The following TBC1D2 variants were observed in gnomAD, a reference collection of about 807,000 sequenced individuals.
TBC1D2 encodes the protein TBC1 domain family member 2A.
In TBC1D2, 58 loss-of-function variants were observed where a neutral mutation model predicts 91.1. The ratio of observed to expected loss-of-function variants is 0.64; its 90% confidence interval spans 0.52 to 0.79. TBC1D2 has a LOEUF of 0.79. Ranked by LOEUF, TBC1D2 falls within the 30% of genes least tolerant of loss-of-function variation. The pLI is 0.00. For missense variants in TBC1D2, 1,080 were observed against 1,208.3 expected, an observed-to-expected ratio of 0.89 and a Z score of 1.57; for synonymous variants, 482 against 511.5, an observed-to-expected ratio of 0.94 and a Z score of 0.78.
At chr9:98,249,888 T>C (rs1189387162) in intron 2 of TBC1D2, among the ~76,000 whole-genome samples, 1 of 152,154 alleles carries the variant, frequency 6.6e-6, no homozygotes, top group Non-Finnish European at 1.5e-5. Context: ...TAAAGTTTAG[T>C]GTATTGACTT....
chr9:98,237,165 C>T (rs1276148907), intron 3 of TBC1D2, among the ~76,000 whole-genome samples: 2 of 151,738 alleles, frequency 1.3e-5, no homozygotes, highest in Non-Finnish European at 2.9e-5. Flanking sequence ...AGTGAAACTC[C>T]GTCTTTACTA....
intron 6 of TBC1D2, 107 bp downstream of exon 6, chr9:98,220,726 G>T: frequency 1.5e-6 from 2 of 1,378,986 alleles, no homozygotes; most frequent in South Asian, 1.4e-5. Context: ...GGATGAAGGG[G>T]TATCCCCACT....
chr9:98,244,065 G>A lies in TBC1D2; in HGVS notation c.576C>T (p.Gly192=), dbSNP rs776015523. Residue 192 remains glycine (G), a synonymous_variant, in exon 3 of 13, where the codon GGC becomes GGT. Coordinates refer to ENST00000465784, the MANE Select transcript of TBC1D2 (RefSeq NM_001267571.2). ...CPVKTPPGLV[G]VAAALQPFPA... ...GGAAGGGCTGCAAGGCAGCTGCCAC[G>A]CCCACTAGCCCAGGGGGTGTTTTCA... 1.1e-5 allele frequency: 17 copies of A among 1,612,776 alleles called. No homozygotes were observed. The highest frequency in any genetic ancestry group is 1.7e-5 in the Admixed American group (1 of 59,782).
intron 3 of TBC1D2, among the ~76,000 whole-genome samples, chr9:98,242,441 C>CAAAAAAA (rs961264421): frequency 1.3e-5 from 1 of 76,424 alleles, no homozygotes; most frequent in Admixed American, 1.5e-4. Context: ...ACTCCATCTC[C>CAAAAAAA]AAAAAAAAAA....
intron 7 of TBC1D2, among the ~76,000 whole-genome samples, chr9:98,211,743 C>T (rs1828846212): frequency 6.6e-6 from 1 of 152,244 alleles, no homozygotes; most frequent in African/African-American, 2.4e-5. Flanking sequence ...CTGGTGCCCA[C>T]CTCTGTTGCC....
intron 9 of TBC1D2, among the ~76,000 whole-genome samples, chr9:98,206,621 T>A (rs1249542756): frequency 2.0e-5 from 3 of 151,980 alleles, no homozygotes; most frequent in East Asian, 3.9e-4. Context: ...CTCTGACTAC[T>A]GCTATTTGGA....
rs1829899500 is a variant in TBC1D2 at position 98,252,825 on chromosome 9, A to C, written c.370-899T>G. ...GGGGATTCTCAGAGAGCTGCCTGCA[A>C]TCAAGGCCACATGAGAACAACAGCG... On this transcript the variant is annotated intron_variant, in intron 1 of 12. Coordinates refer to ENST00000465784, the MANE Select transcript of TBC1D2 (RefSeq NM_001267571.2). Among the ~76,000 whole-genome samples the C allele has an allele frequency of 1.3e-5, 2 of 152,176 alleles. 1 individual carries two copies. Among genetic ancestry groups the C allele is most frequent in the South Asian group, 4.1e-4 (2 of 4,826 alleles).
chr9:98,199,652 TC>T, intron 12 of TBC1D2, 64 bp from the exon 13 acceptor site: 1 of 1,559,346 alleles, frequency 6.4e-7, no homozygotes, highest in Non-Finnish European at 8.8e-7. Flanking sequence ...TACCCGGCTC[TC>T]CCAGACAGAC....
intron 2 of TBC1D2, 92 bp from the exon 3 acceptor site, chr9:98,244,221 G>C: frequency 2.6e-6 from 4 of 1,536,006 alleles, no homozygotes; most frequent in Non-Finnish European, 3.5e-6. Context: ...CCCTGACTGG[G>C]AACAGGCTGG....
intron 3 of TBC1D2, among the ~76,000 whole-genome samples, chr9:98,239,693 G>A (rs947683805): frequency 6.6e-6 from 1 of 152,102 alleles, no homozygotes; most frequent in African/African-American, 2.4e-5. Flanking sequence ...AATGAGTTGG[G>A]GGATGTGTCC....
At chr9:98,236,030 C>T (rs1393421116) in intron 3 of TBC1D2, among the ~76,000 whole-genome samples, 2 of 150,292 alleles carry the variant, frequency 1.3e-5, no homozygotes, top group African/African-American at 4.9e-5. Flanking sequence ...AGTGAGACTC[C>T]ATCTCAAAAG....
chr9:98,208,905 A>T lies in TBC1D2; in HGVS notation c.1913T>A (p.Leu638Gln), dbSNP rs756815321. The stretch of plus-strand genomic sequence containing the variant: ...CAGGTGCTGGACACGGAGGTGGACC[A>T]GCCACCTCCAGACACGAGGCCGGTG... Reference protein sequence around the residue: ...REHRPRVWRWLVHLRVQHLHT... With the variant: ...REHRPRVWRWQVHLRVQHLHT... The change falls in exon 9 of 13, where the codon CTG becomes CAG. Residue 638 changes from leucine (L) to glutamine (Q), a missense_variant. Transcript: ENST00000465784. 6.2e-7 allele frequency: 1 copy of T among 1,614,128 alleles called. No individual in the cohort carries two copies. The highest frequency in any genetic ancestry group is 1.3e-5 in the African/African-American group (1 of 75,026).
Position 98,210,844 on chromosome 9 carries a change from C to T in TBC1D2, c.1486-1G>A, listed in dbSNP as rs772655213. 6.4e-7 allele frequency: 1 copy of T among 1,550,786 alleles called. No homozygotes were observed. The highest frequency in any genetic ancestry group is 2.0e-5 in the Admixed American group (1 of 50,934). ...AGTTTCTGGCTTGGAGGTAGGCGCA[C>T]TGCAAACAGGGAAAGGCTGGTCAGG... On this transcript the variant is annotated splice_acceptor_variant, in intron 7 of 12. Transcript: ENST00000465784. LOFTEE classifies it high-confidence loss of function.
chr9:98,214,059 C>T (rs55866532), intron 6 of TBC1D2, among the ~76,000 whole-genome samples: 7,016 of 152,298 alleles, frequency 0.046, 210 homozygotes, highest in Non-Finnish European at 0.07. Context: ...CGTTCAGTCA[C>T]GTAACACATT....
At chr9:98,249,139 C>T (rs1019764552) in intron 2 of TBC1D2, among the ~76,000 whole-genome samples, 1 of 152,152 alleles carries the variant, frequency 6.6e-6, no homozygotes, top group Non-Finnish European at 1.5e-5. Flanking sequence ...AAACATCTTT[C>T]TAGGTGGGCT....
At chr9:98,249,610 T>G (rs762259333) in intron 2 of TBC1D2, among the ~76,000 whole-genome samples, 1 of 152,186 alleles carries the variant, frequency 6.6e-6, no homozygotes. Context: ...GAGTGGGGGC[T>G]GGAGCAGAAG....
At chr9:98,206,110 T>C (rs922246964) in intron 9 of TBC1D2, among the ~76,000 whole-genome samples, 2 of 152,148 alleles carry the variant, frequency 1.3e-5, no homozygotes, top group African/African-American at 4.8e-5. Flanking sequence ...TGCCTCAGCC[T>C]CCTGAGGCAG....
At chr9:98,236,173 A>G (rs1412983927) in intron 3 of TBC1D2, among the ~76,000 whole-genome samples, 1 of 152,164 alleles carries the variant, frequency 6.6e-6, no homozygotes, top group Non-Finnish European at 1.5e-5. Flanking sequence ...ACAATTGACC[A>G]TCTTAACTCA....
chr9:98,211,584 T>C (rs1299328356), intron 7 of TBC1D2, among the ~76,000 whole-genome samples: 2 of 152,180 alleles, frequency 1.3e-5, no homozygotes, highest in Non-Finnish European at 2.9e-5. Flanking sequence ...AGCACTGCCA[T>C]GATCTCTGGG....
Sources: gnomAD v4.1 joint callset for allele counts (sites outside exome capture counted in the v4.1 genomes callset) on GRCh38, gnomAD v4.1.1 for gene constraint, MANE v1.5 for transcripts, NCBI Gene and HGNC (gene_info 2026-07-23, HGNC 2026-07-21) for gene names.